The following DIP2A variants were observed in gnomAD, a reference collection of about 807,000 sequenced individuals.
DIP2A encodes the protein DIP2 acetate--CoA ligase A, also known as disco-interacting protein 2 homolog A.
DIP2A carries 85 observed loss-of-function variants against 177.4 expected under a neutral mutation model. The ratio of observed to expected loss-of-function variants is 0.48; its 90% CI spans 0.40 to 0.57. DIP2A has a LOEUF of 0.57. Ranked by LOEUF, DIP2A falls within the 20% of genes least tolerant of loss-of-function variation. The pLI is 0.00. For missense variants in DIP2A, 1,791 were observed against 2,100.2 expected (o/e 0.85, Z 2.88); for synonymous variants, 886 against 881.8 (o/e 1.00, Z -0.08).
chr21:46,554,786 G>GCCCC, intron 27 of DIP2A, 36 bp from the exon 28 acceptor site: 14 of 1,519,096 alleles, frequency 9.2e-6, no homozygotes, highest in South Asian at 2.4e-5. Flanking sequence ...AGCTTGAGAG[G>GCCCC]CCCCGCCCAC....
At chr21:46,547,656 CTT>C (rs10672432) in intron 21 of DIP2A, among the ~76,000 whole-genome samples, 938 of 76,354 alleles carry the variant, frequency 0.012, 12 homozygotes, top group African/African-American at 0.042. Context: ...AAGGGGGTGC[CTT>C]TTTTTTTTTT....
At chr21:46,460,207 AGTC>A (rs1196775001) in intron 1 of DIP2A, among the ~76,000 whole-genome samples, 3 of 152,122 alleles carry the variant, frequency 2.0e-5, no homozygotes, top group Non-Finnish European at 2.9e-5. Context: ...AAAAAAAAAA[AGTC>A]GTATAAATGG....
chr21:46,504,204 C>T, intron 5 of DIP2A, 157 bp from the exon 6 acceptor site: 1 of 981,212 alleles, frequency 1.0e-6, no homozygotes, highest in Non-Finnish European at 1.5e-6. Flanking sequence ...TCCCAGTATG[C>T]CTTTGGTCAG....
At chr21:46,497,543 G>A (rs535614517) in intron 4 of DIP2A, among the ~76,000 whole-genome samples, 3 of 152,250 alleles carry the variant, frequency 2.0e-5, no homozygotes, top group Non-Finnish European at 4.4e-5. Flanking sequence ...AAAGTTTTGC[G>A]GTTGATTTTG....
chr21:46,471,625 G>A (rs763114870), intron 1 of DIP2A, among the ~76,000 whole-genome samples: 7 of 152,150 alleles, frequency 4.6e-5, no homozygotes, highest in African/African-American at 7.2e-5. Context: ...GAAAACTATT[G>A]TCAGTGAAGA....
chr21:46,467,159 G>C (rs965044063), intron 1 of DIP2A, among the ~76,000 whole-genome samples: 1 of 151,968 alleles, frequency 6.6e-6, no homozygotes, highest in Non-Finnish European at 1.5e-5. Context: ...AGCCGGGCGT[G>C]GTGGTGGGTG....
rs367616491 is a variant in DIP2A at position 46,498,646 on chromosome 21, G to A, written c.468G>A (p.Pro156=). 2.5e-4 allele frequency: 396 copies of A among 1,613,384 alleles called. 1 individual carries two copies. The highest frequency in any genetic ancestry group is 3.0e-4 in the Non-Finnish European group (350 of 1,179,846). Residue 156 remains proline (P), a synonymous_variant, in exon 5 of 38, where the codon CCG becomes CCA. Transcript: ENST00000417564. This position sits in a 1 kb window ranked among gnomAD's most constrained non-coding sequence, Gnocchi z 4.3. The stretch of plus-strand genomic sequence containing the variant: ...GACCCGGGCGACTCACCTCCACTCC[G>A]CTCCAGAGCCATTCCAGCGTCGAGC... ...LRRPGRLTST[P]LQSHSSVEPW... is the part of the protein sequence containing the mutation.
chr21:46,479,952 A>G (rs910896233), intron 1 of DIP2A, among the ~76,000 whole-genome samples: 15 of 152,308 alleles, frequency 9.8e-5, no homozygotes, highest in African/African-American at 3.4e-4. Flanking sequence ...ACGTGCTTAT[A>G]TTAAGAACGA....
At chr21:46,496,907 C>G in intron 3 of DIP2A, 81 bp from the exon 4 acceptor site, 1 of 1,427,240 alleles carries the variant, frequency 7.0e-7, no homozygotes, top group Non-Finnish European at 9.3e-7. Flanking sequence ...CCACTGAAAA[C>G]AAACAAAAAC....
In DIP2A at chr21:46,537,323, C is replaced by A. The variant is rs183859185; in HGVS notation, c.1707+35C>A. ...GTTTGCTGATGACTAACTGTTGGAA[C>A]AAGGGATTGAGATGAACCCAAGCCT... On this transcript the variant is annotated intron_variant, in intron 14 of 37. Coordinates refer to ENST00000417564, the MANE Select transcript of DIP2A (RefSeq NM_015151.4). The surrounding 1 kb of genome is among the most constrained non-coding windows in gnomAD (Gnocchi z 4.1). The A allele has an allele frequency of 9.2e-5, 149 of 1,612,882 alleles. No individual in the cohort carries two copies. Among genetic ancestry groups the A allele is most frequent in the Non-Finnish European group, 1.2e-4 (137 of 1,178,998 alleles).
At chr21:46,466,694 T>C (rs1442034980) in intron 1 of DIP2A, among the ~76,000 whole-genome samples, 1 of 151,948 alleles carries the variant, frequency 6.6e-6, no homozygotes, top group African/African-American at 2.4e-5. Context: ...TTTGGTGTTG[T>C]ATCAAGGAAG....
At chr21:46,555,863 A>C in intron 28 of DIP2A, 119 bp from the exon 29 acceptor site, 1 of 787,778 alleles carries the variant, frequency 1.3e-6, no homozygotes. Flanking sequence ...CTCCCGTCTG[A>C]GCTCACTCTC....
intron 1 of DIP2A, among the ~76,000 whole-genome samples, chr21:46,473,902 TAAC>T (rs1348667904): frequency 6.6e-6 from 1 of 152,206 alleles, no homozygotes; most frequent in Non-Finnish European, 1.5e-5. Context: ...AAAAATGTAT[TAAC>T]AAAACATTTC....
chr21:46,503,612 CT>C (rs879744276), intron 5 of DIP2A, among the ~76,000 whole-genome samples: 5,360 of 79,124 alleles, frequency 0.068, 291 homozygotes, highest in African/African-American at 0.17. Flanking sequence ...TCCTTCCTTC[CT>C]TTCTTTCTTT....
chr21:46,511,949 G>GT (rs941309485), intron 8 of DIP2A, among the ~76,000 whole-genome samples: 84 of 151,974 alleles, frequency 5.5e-4, no homozygotes, highest in Admixed American at 2.7e-3. Context: ...TCCATACTAT[G>GT]TTTTTTTTGT....
At position 46,565,854 on chromosome 21, in the gene DIP2A, C is replaced by T. The variant is rs771419373; in HGVS notation, c.4306C>T (p.Leu1436Phe). The change falls in exon 36 of 38, where the codon CTT (leucine) becomes TTT (phenylalanine). Residue 1436 changes from leucine to phenylalanine, a missense_variant. Physicochemically the swap from Leu to Phe is conservative, Grantham distance 22. Transcript: ENST00000417564. ...IWARTGYLGF[L>F]RRTELTDASG... The stretch of plus-strand genomic sequence containing the variant: ...GGCAAGGACCGGCTACCTTGGCTTC[C>T]TTCGGCGAACAGAGCTCACTGATGC... The T allele has an allele frequency of 1.2e-6, 2 of 1,614,018 alleles. No homozygotes were observed. The highest frequency in any genetic ancestry group is 1.7e-6 in the Non-Finnish European group (2 of 1,179,896).
intron 1 of DIP2A, among the ~76,000 whole-genome samples, chr21:46,467,548 A>AT (rs2054947947): frequency 6.6e-6 from 1 of 152,058 alleles, no homozygotes; most frequent in African/African-American, 2.4e-5. Flanking sequence ...ATTTCTTTAT[A>AT]TTTTTTGTAA....
intron 13 of DIP2A, among the ~76,000 whole-genome samples, chr21:46,536,468 AGGGGAGATGCCGGATCACGGCCTCT>A (rs1325485198): frequency 6.6e-6 from 1 of 152,212 alleles, no homozygotes; most frequent in Non-Finnish European, 1.5e-5. Context: ...GCTCTTACAG[AGGGGAGATGCCGGATCACGGCCTCT>A]GGGTGTGAGA....
Position 46,556,906 on chromosome 21 carries a change from C to T in DIP2A, c.3499-33C>T. 8.8e-7 allele frequency: 1 copy of T among 1,131,528 alleles called. No individual in the cohort carries two copies. The highest frequency in any genetic ancestry group is 1.2e-6 in the Non-Finnish European group (1 of 825,116). The allele number at this position is 1,131,528 out of a possible 1,614,324, so 70.1% of individuals were successfully genotyped here. A position where few individuals can be genotyped will look rare whatever the true frequency, so the allele number is the denominator to read the frequency against. On this transcript the variant is annotated intron_variant, in intron 29 of 37. Transcript: ENST00000417564. This position sits in a 1 kb window ranked among gnomAD's most constrained non-coding sequence, Gnocchi z 4.5. ...CTCTCCCCTCCTGAATTTCATTTCA[C>T]TTTTTTTTTTTGAACTTTATTTTAC...
Sources: gnomAD v4.1 joint callset for allele counts (sites outside exome capture counted in the v4.1 genomes callset) on GRCh38, gnomAD v4.1.1 for gene constraint, Gnocchi (gnomAD v3.1) non-coding constraint, MANE v1.5 for transcripts, NCBI Gene and HGNC (gene_info 2026-07-23, HGNC 2026-07-21) for gene names.